Variants in ABCA4 observed in about 807,000 individuals in gnomAD.
ABCA4 encodes the protein retinal-specific phospholipid-transporting ATPase ABCA4.
A neutral mutation model predicts 263.7 loss-of-function variants in ABCA4; 196 were observed. The ratio of observed to expected loss-of-function variants is 0.74; its 90% CI spans 0.66 to 0.84. The LOEUF is 0.84. ABCA4 is among the 40% of genes least tolerant of loss of function. ABCA4 has a pLI of 0.00. For synonymous variants in ABCA4, 1,133 were observed against 1,094.2 expected, an observed-to-expected ratio of 1.04 and a Z score of -0.70; for missense variants, 2,792 against 2,855.1, an observed-to-expected ratio of 0.98 and a Z score of 0.50.
chr1:94,002,282 G>C (rs1312230992), intron 44 of ABCA4, among the ~76,000 whole-genome samples: 3 of 152,202 alleles, frequency 2.0e-5, no homozygotes, highest in African/African-American at 7.2e-5. Flanking sequence ...AGTGGGTCTC[G>C]CCCAGCGTCC....
chr1:94,100,779 A>G (rs1316339864), intron 5 of ABCA4, among the ~76,000 whole-genome samples: 1 of 152,232 alleles, frequency 6.6e-6, no homozygotes, highest in Non-Finnish European at 1.5e-5. Flanking sequence ...ACACAAATCC[A>G]TGTTCAATGA....
Position 94,062,773 on chromosome 1 carries a change from C to A in ABCA4, c.1761-20G>T. The A allele has an allele frequency of 6.2e-7, 1 of 1,612,592 alleles. No homozygotes were observed. Among genetic ancestry groups the A allele is most frequent in the Non-Finnish European group, 8.5e-7 (1 of 1,179,426 alleles). ...CAATACCTGAGAAGACACAGAGGGA[C>A]AAAGGATGGGAACGGGCTTGGATAG... is the stretch of plus-strand genomic sequence containing the variant. On this transcript the variant is annotated intron_variant, in intron 12 of 49. Transcript: ENST00000370225.
At chr1:94,057,495 C>T (rs1349632709) in intron 14 of ABCA4, among the ~76,000 whole-genome samples, 1 of 152,156 alleles carries the variant, frequency 6.6e-6, no homozygotes, top group Non-Finnish European at 1.5e-5. Flanking sequence ...TCCAGAGGAG[C>T]TTCAACATTT....
chr1:94,099,066 G>T, intron 5 of ABCA4, 75 bp from the exon 6 acceptor site: 1 of 1,462,062 alleles, frequency 6.8e-7, no homozygotes, highest in South Asian at 1.2e-5. Flanking sequence ...CACAGAACCT[G>T]GGAATACCTT....
chr1:94,105,945 A>C (rs763466391), intron 4 of ABCA4, among the ~76,000 whole-genome samples: 3 of 152,138 alleles, frequency 2.0e-5, no homozygotes, highest in Non-Finnish European at 4.4e-5. Context: ...CTTCTGCCAC[A>C]TTGGCCTGAG....
intron 3 of ABCA4, among the ~76,000 whole-genome samples, chr1:94,109,896 C>A (rs1400844208): frequency 6.6e-6 from 1 of 152,120 alleles, no homozygotes; most frequent in African/African-American, 2.4e-5. Context: ...AACATGAAAC[C>A]CAACTTTCCG....
At chr1:94,030,333 G>T in intron 29 of ABCA4, 95 bp downstream of exon 29, 1 of 1,046,100 alleles carries the variant, frequency 9.6e-7, no homozygotes, top group Non-Finnish European at 1.5e-6. Context: ...GAGCAGGATT[G>T]AGTGGGGCCT....
chr1:94,006,355 C>G (rs1260698368), intron 43 of ABCA4, among the ~76,000 whole-genome samples: 1 of 152,138 alleles, frequency 6.6e-6, no homozygotes, highest in Admixed American at 6.5e-5. Flanking sequence ...GCTACCCTAC[C>G]ATATAATCCC....
intron 32 of ABCA4, 39 bp from the exon 33 acceptor site, chr1:94,021,990 A>G (rs936497710): frequency 6.5e-7 from 1 of 1,547,558 alleles, no homozygotes; most frequent in African/African-American, 1.4e-5. Context: ...CAGGGCCACG[A>G]ACTTCACGCC....
rs1030235357 is a variant in ABCA4 at position 94,055,421 on chromosome 1, A to C, written c.2383-106T>G. ...AGGGGAGGGCCAAAAGAGGGTCCCC[A>C]TTGTCTCTCAGTGTAAGGTCAGCTC... is the stretch of plus-strand genomic sequence containing the variant. On this transcript the variant is annotated intron_variant, in intron 15 of 49. Transcript: ENST00000370225. The C allele has an allele frequency of 1.6e-5, 18 of 1,112,860 alleles. No homozygotes were observed. In the African/African-American group the frequency reaches 2.8e-4, roughly 17 times the overall value. The allele number at this position is 1,112,860 out of a possible 1,614,324, so 68.9% of individuals were successfully genotyped here.
chr1:94,039,314 A>G (rs943801652), intron 24 of ABCA4, among the ~76,000 whole-genome samples: 2 of 152,260 alleles, frequency 1.3e-5, no homozygotes, highest in African/African-American at 4.8e-5. Context: ...GATTTCAGTT[A>G]GTAAATTCTT....
chr1:94,113,021 C>G lies in ABCA4; in HGVS notation c.112G>C (p.Val38Leu), dbSNP rs771350693. The part of the protein sequence containing the change: ...ELVWPLSLFL[V>L]LIWLRNANPL... ...TTGGCATTCCTTAACCAGATCAAGA[C>G]CAGAAATAAAGATAAAGGCCACACG... is the stretch of plus-strand genomic sequence containing the variant. Residue 38 changes from valine (V) to leucine (L), a missense_variant, in exon 2 of 50, where the codon GTC (valine) becomes CTC (leucine). Val to Leu is a conservative substitution (Grantham distance 32). Transcript: ENST00000370225. The G allele has an allele frequency of 1.2e-6, 2 of 1,613,990 alleles. No individual in the cohort carries two copies. Among genetic ancestry groups the G allele is most frequent in the East Asian group, 4.5e-5 (2 of 44,880 alleles).
chr1:94,119,138 G>A (rs1557813338), intron 1 of ABCA4, among the ~76,000 whole-genome samples: 1 of 152,134 alleles, frequency 6.6e-6, no homozygotes, highest in Admixed American at 6.5e-5. Flanking sequence ...TTGATAGAAG[G>A]AAAGAATGAA....
chr1:94,048,818 C>T (rs1660759853), intron 18 of ABCA4, 50 bp downstream of exon 18: 1 of 1,581,462 alleles, frequency 6.3e-7, no homozygotes, highest in Non-Finnish European at 8.7e-7. Context: ...CTCTGCAGTG[C>T]TTAGAGCCTT....
intron 36 of ABCA4, among the ~76,000 whole-genome samples, chr1:94,016,499 G>A (rs1377588779): frequency 6.6e-6 from 1 of 152,216 alleles, no homozygotes; most frequent in African/African-American, 2.4e-5. Flanking sequence ...GGAGCAGGGA[G>A]AGGACGGCAT....
chr1:94,048,759 G>C (rs1660758882), intron 18 of ABCA4, 109 bp downstream of exon 18: 2 of 1,064,182 alleles, frequency 1.9e-6, no homozygotes, highest in South Asian at 2.6e-5. Context: ...GAGAGAGTCA[G>C]TTTCCTAGGC....
chr1:94,079,934 T>G (rs1474070645), intron 8 of ABCA4, among the ~76,000 whole-genome samples: 2 of 151,596 alleles, frequency 1.3e-5, no homozygotes, highest in Non-Finnish European at 2.9e-5. Context: ...AGTTTTTAAC[T>G]AGAGGGGCAG....
In ABCA4 at chr1:94,015,842, C is replaced by T. The variant is rs761017794; in HGVS notation, c.5209G>A (p.Val1737Met). The T allele has an allele frequency of 3.5e-5, 57 of 1,613,332 alleles. No individual in the cohort carries two copies. The highest frequency in any genetic ancestry group is 1.6e-4 in the Middle Eastern group (1 of 6,084). The change falls in exon 37 of 50, where the codon GTG becomes ATG. Residue 1737 changes from valine (V) to methionine (M), a missense_variant. By Grantham distance (21) the Val-to-Met change is conservative. Coordinates refer to ENST00000370225, the MANE Select transcript of ABCA4 (RefSeq NM_000350.3). ...ATGCCCACCACCAGCCCAGCACTCA[C>T]GGAATAATTCATCTCGGAAAGAGAA... ...NFLWDIMNYS[V>M]SAGLVVGIFI...
intron 27 of ABCA4, 124 bp downstream of exon 27, chr1:94,031,654 G>T: frequency 7.5e-7 from 1 of 1,325,920 alleles, no homozygotes; most frequent in Non-Finnish European, 1.1e-6. Context: ...AACAAAACCA[G>T]CAGAATCTAA....
Sources: gnomAD v4.1 joint callset for allele counts (sites outside exome capture counted in the v4.1 genomes callset) on GRCh38, gnomAD v4.1.1 for gene constraint, MANE v1.5 for transcripts, NCBI Gene and HGNC (gene_info 2026-07-23, HGNC 2026-07-21) for gene names.